The following ZNF492 variants were observed in gnomAD, a reference collection of about 807,000 sequenced individuals.
ZNF492 encodes the protein zinc finger protein 492, also known as zinc finger protein 115 (Y20).
A neutral mutation model predicts 6.4 loss-of-function variants in ZNF492; 3 were observed. The observed-to-expected ratio is 0.47, with a 90% CI of 0.21 to 1.22. The LOEUF is 1.22. Ranked by LOEUF, ZNF492 falls within the 50% of genes most tolerant of loss-of-function variation. The pLI is 0.22. For synonymous variants in ZNF492, 112 were observed against 205.3 expected (o/e 0.55, Z 3.89); for missense variants, 356 against 612.5 (o/e 0.58, Z 4.42).
At chr19:22,652,992 C>T (rs1163278372) in intron 1 of ZNF492, among the ~76,000 whole-genome samples, 1 of 151,862 alleles carries the variant, frequency 6.6e-6, no homozygotes. Flanking sequence ...AAAATTTACA[C>T]AACTTATTCT....
Position 22,638,103 on chromosome 19 carries a change from G to C in ZNF492, c.-94+3629G>C, listed in dbSNP as rs1233032506. On this transcript the variant is annotated intron_variant, in intron 1 of 3. Transcript: ENST00000456783. ...CTTGTTTAAGTTTCTTATAAATTAT[G>C]GGTATTGGACCTTTGTCAAAAGCAT... 4.6e-5 allele frequency among the ~76,000 whole-genome samples: 7 copies of C among 151,876 alleles called. No individual in the cohort carries two copies. In the South Asian group the frequency reaches 1.5e-3, roughly 32 times the overall value.
At chr19:22,653,273 G>A (rs1206552088) in intron 1 of ZNF492, 34 bp from the exon 2 acceptor site, 9 of 1,601,076 alleles carry the variant, frequency 5.6e-6, no homozygotes, top group African/African-American at 4.1e-5. Flanking sequence ...ATGGCCACTT[G>A]GTAAATATGT....
At chr19:22,663,047 C>T (rs1274295577) in intron 3 of ZNF492, among the ~76,000 whole-genome samples, 2 of 152,106 alleles carry the variant, frequency 1.3e-5, no homozygotes, top group Non-Finnish European at 2.9e-5. Context: ...AGGTTTTCCT[C>T]TAGGGTTTTT....
intron 1 of ZNF492, among the ~76,000 whole-genome samples, chr19:22,652,347 A>C (rs28782605): frequency 0.28 from 36,418 of 130,288 alleles, 9,599 homozygotes; most frequent in African/African-American, 0.57. Flanking sequence ...CCTGCCTCAG[A>C]CTCCCGAGTA....
chr19:22,664,909 A>G lies in ZNF492; in HGVS notation c.1240A>G (p.Ile414Val). Residue 414 changes from isoleucine to valine, a missense_variant, in exon 4 of 4, where the codon ATT becomes GTT. Transcript: ENST00000456783. Reference protein sequence around the residue: ...LSSQLTTHKIIHTGEKPYKCE... With the variant: ...LSSQLTTHKIVHTGEKPYKCE... ...GTCACAACTTACTACACATAAGATA[A>G]TTCATACTGGAGAGAAACCCTACAA... 6.2e-7 allele frequency: 1 copy of G among 1,610,674 alleles called. No individual in the cohort carries two copies. Among genetic ancestry groups the G allele is most frequent in the Non-Finnish European group, 8.5e-7 (1 of 1,177,886 alleles).
intron 3 of ZNF492, among the ~76,000 whole-genome samples, chr19:22,660,973 A>AT (rs1251471609): frequency 2.7e-5 from 4 of 150,510 alleles, no homozygotes; most frequent in Non-Finnish European, 4.4e-5. Flanking sequence ...GATCTGCAGA[A>AT]TTTTTGTTGA....
In ZNF492 at chr19:22,663,750, A is replaced by C. The variant is rs545874982; in HGVS notation, c.131-50A>C. ...TTTATAGGTTAGATTTGTAAAGTAC[A>C]TTCGTCTGAGTCAGTAAGTGAAGTA... On this transcript the variant is annotated intron_variant, in intron 3 of 3. Transcript: ENST00000456783. 7.3e-5 allele frequency: 104 copies of C among 1,432,698 alleles called. No individual in the cohort carries two copies. The African/African-American group carries it at 1.4e-3, about 20-fold the overall frequency. The allele number at this position is 1,432,698 out of a possible 1,614,324, so 88.7% of individuals were successfully genotyped here. A position where few individuals can be genotyped will look rare whatever the true frequency, so the allele number is the denominator to read the frequency against.
chr19:22,653,533 G>GT, intron 2 of ZNF492, 100 bp downstream of exon 2: 24 of 1,451,604 alleles, frequency 1.7e-5, no homozygotes, highest in South Asian at 5.1e-5. Flanking sequence ...TCAGATCTCT[G>GT]TTTTTTGTTT....
In ZNF492 at chr19:22,665,485, A is replaced by G; in HGVS notation, c.*220A>G. On this transcript the variant is annotated 3_prime_UTR_variant, in exon 4 of 4. Coordinates refer to ENST00000456783, the MANE Select transcript of ZNF492 (RefSeq NM_020855.3). ...ATTAATATCTGTGCACATCTTATTC[A>G]ACATCAGAGTTTATATTAATAGCAT... is the stretch of plus-strand genomic sequence containing the variant. 2 of 940,688 alleles carry G rather than the reference A, an allele frequency of 2.1e-6. No individual in the cohort carries two copies. The highest frequency in any genetic ancestry group is 3.0e-6 in the Non-Finnish European group (2 of 667,822). The allele number at this position is 940,688 out of a possible 1,614,324, so 58.3% of individuals were successfully genotyped here.
intron 3 of ZNF492, among the ~76,000 whole-genome samples, chr19:22,654,947 G>A (rs1269073318): frequency 6.6e-6 from 1 of 151,430 alleles, no homozygotes; most frequent in Non-Finnish European, 1.5e-5. Context: ...CTGGAATTTT[G>A]ATAGAGAATT....
chr19:22,656,607 C>G (rs1971998929), intron 3 of ZNF492, among the ~76,000 whole-genome samples: 1 of 152,034 alleles, frequency 6.6e-6, no homozygotes, highest in Non-Finnish European at 1.5e-5. Context: ...GGGTGTCTGT[C>G]TCTAGGCTTC....
chr19:22,660,742 T>G (rs549022800), intron 3 of ZNF492, among the ~76,000 whole-genome samples: 105 of 147,008 alleles, frequency 7.1e-4, no homozygotes, highest in South Asian at 6.9e-3. Flanking sequence ...TGATTATGTG[T>G]TTTTTTTTTT....
At chr19:22,662,804 G>C (rs1416564229) in intron 3 of ZNF492, among the ~76,000 whole-genome samples, 1 of 151,384 alleles carries the variant, frequency 6.6e-6, no homozygotes, top group African/African-American at 2.4e-5. Flanking sequence ...TTGTAAATTT[G>C]TTTAAGTTCT....
rs1000796770 is a variant in ZNF492, at chr19:22,667,621, A to G, written c.*2356A>G. ...TTTATAATAAAAATTATATACAAGT[A>G]TAAAATTTACACATTTCTGAGTCCT... On this transcript the variant is annotated 3_prime_UTR_variant, in exon 4 of 4. Transcript: ENST00000456783. 6.6e-6 allele frequency: 1 copy of G among 151,970 alleles called. No individual in the cohort carries two copies. Among genetic ancestry groups the G allele is most frequent in the Non-Finnish European group, 1.5e-5 (1 of 67,982 alleles). 9.4% of individuals were successfully genotyped at this position (151,970 alleles called of 1,614,324 possible).
At chr19:22,634,612 C>A in intron 1 of ZNF492, 138 bp downstream of exon 1, 2 of 950,594 alleles carry the variant, frequency 2.1e-6, no homozygotes, top group Non-Finnish European at 3.2e-6. Flanking sequence ...CCCAGCCCAG[C>A]CTCAGTCCCC....
intron 3 of ZNF492, among the ~76,000 whole-genome samples, chr19:22,659,756 C>T (rs900504053): frequency 1.6e-4 from 24 of 148,352 alleles, no homozygotes; most frequent in Non-Finnish European, 2.5e-4. Context: ...ACCTCTGCCT[C>T]CTAGGTTCAA....
intron 3 of ZNF492, among the ~76,000 whole-genome samples, chr19:22,663,379 A>G (rs1378351621): frequency 6.6e-6 from 1 of 152,118 alleles, no homozygotes; most frequent in Non-Finnish European, 1.5e-5. Context: ...CAGAACTTTT[A>G]TGCAATGAGA....
rs543352113 is a variant in ZNF492, at chr19:22,645,203, C to T, written c.-93-8104C>T. 5.9e-5 allele frequency among the ~76,000 whole-genome samples: 9 copies of T among 152,034 alleles called. No individual in the cohort carries two copies. The South Asian group carries it at 1.0e-3, about 18-fold the overall frequency. On this transcript the variant is annotated intron_variant, in intron 1 of 3. Coordinates refer to ENST00000456783, the MANE Select transcript of ZNF492 (RefSeq NM_020855.3). Reference sequence around the variant, plus strand: ...CTGGGACTACAGATACCCACCACCACGCCCAGCTAATTTTTGTATTTTTAG... The same window carrying T: ...CTGGGACTACAGATACCCACCACCATGCCCAGCTAATTTTTGTATTTTTAG...
chr19:22,654,126 T>C (rs1203038782), intron 3 of ZNF492, 111 bp downstream of exon 3: 1 of 1,318,122 alleles, frequency 7.6e-7, no homozygotes, highest in Admixed American at 2.8e-5. Flanking sequence ...CCAAAGGAAA[T>C]AGTTTCTGGG....
Sources: allele counts gnomAD v4.1 joint callset (sites outside exome capture counted in the v4.1 genomes callset), GRCh38; gene constraint gnomAD v4.1.1; transcripts MANE v1.5; gene names NCBI Gene and HGNC (gene_info 2026-07-23, HGNC 2026-07-21).